TMEM255B: variants seen among roughly 807,000 people sequenced by gnomAD.
TMEM255B encodes family with sequence similarity 70, member B.
A neutral mutation model predicts 34.5 loss-of-function variants in TMEM255B; 35 were observed. The observed-to-expected ratio is 1.01, with a 90% confidence interval of 0.77 to 1.34. The LOEUF (loss-of-function observed/expected upper bound fraction) is 1.34. Ranked by LOEUF, TMEM255B falls within the 40% of genes most tolerant of loss-of-function variation. The pLI, the probability that TMEM255B is intolerant of heterozygous loss-of-function variation, is 0.00. For missense variants in TMEM255B, 432 were observed against 433.2 expected (o/e 1.00, Z 0.02); for synonymous variants, 206 against 201.2 (o/e 1.02, Z -0.20).
At chr13:113,774,358 CCAAA>C (rs2050524831) in intron 3 of TMEM255B, among the ~76,000 whole-genome samples, 1 of 152,186 alleles carries the variant, frequency 6.6e-6, no homozygotes, top group Admixed American at 6.5e-5. Context: ...TCCTCCTCAC[CCAAA>C]CAGACATATG....
chr13:113,811,551 G>A (rs1302721803), intron 8 of TMEM255B, among the ~76,000 whole-genome samples, 185 bp from the exon 9 acceptor site: 2 of 136,328 alleles, frequency 1.5e-5, no homozygotes, highest in Non-Finnish European at 3.1e-5. Flanking sequence ...AGGTCTGAGG[G>A]GGCCTGTGTG....
At chr13:113,796,507 A>G (rs1006105725) in intron 4 of TMEM255B, among the ~76,000 whole-genome samples, 5 of 149,826 alleles carry the variant, frequency 3.3e-5, no homozygotes, top group African/African-American at 1.2e-4. Context: ...CACACCACAC[A>G]GAGCACACAG....
intron 3 of TMEM255B, among the ~76,000 whole-genome samples, chr13:113,771,862 T>G (rs924466814): frequency 6.6e-6 from 1 of 152,212 alleles, no homozygotes; most frequent in East Asian, 1.9e-4. Flanking sequence ...CTTTTGGGCA[T>G]GTACCTAGGA....
At chr13:113,800,531 A>G (rs1378438758) in intron 5 of TMEM255B, among the ~76,000 whole-genome samples, 1 of 151,984 alleles carries the variant, frequency 6.6e-6, no homozygotes, top group African/African-American at 2.4e-5. Flanking sequence ...CCTTCTGCCC[A>G]CGCACCCTGA....
chr13:113,793,924 G>GCCCCCAC (rs2050875439), intron 3 of TMEM255B, among the ~76,000 whole-genome samples: 1 of 152,222 alleles, frequency 6.6e-6, no homozygotes, highest in Non-Finnish European at 1.5e-5. Flanking sequence ...GGGCCCGCCA[G>GCCCCCAC]CCCCCACCCC....
chr13:113,766,140 G>T lies in TMEM255B; in HGVS notation c.72G>T (p.Thr24=). Residue 24 remains threonine, a synonymous_variant, in exon 2 of 9, where the codon ACG becomes ACT. Coordinates refer to ENST00000375353, the MANE Select transcript of TMEM255B (RefSeq NM_182614.4). ...PAEGLSRRKK[T]SLWFVGSLLL... ...AAGGGCTTTCGAGGAGGAAGAAGACGTCGCTCTGGTTTGTGGGGTCTCTGC... is the reference window on the plus strand; with the variant it reads ...AAGGGCTTTCGAGGAGGAAGAAGACTTCGCTCTGGTTTGTGGGGTCTCTGC... 6.2e-7 allele frequency: 1 copy of T among 1,614,222 alleles called. No homozygotes were observed. The highest frequency in any genetic ancestry group is 1.3e-5 in the African/African-American group (1 of 75,062).
chr13:113,804,722 C>T (rs1384914320), intron 7 of TMEM255B, among the ~76,000 whole-genome samples, 163 bp from the exon 8 acceptor site: 1 of 147,050 alleles, frequency 6.8e-6, no homozygotes, highest in African/African-American at 2.5e-5. Flanking sequence ...AAACGCACGC[C>T]GGGCCGGCGT....
intron 1 of TMEM255B, among the ~76,000 whole-genome samples, chr13:113,762,505 TG>T (rs937385978): frequency 1.3e-4 from 20 of 152,070 alleles, no homozygotes; most frequent in African/African-American, 4.8e-4. Flanking sequence ...TTGTAGCAGA[TG>T]GGGGGGAAGT....
At chr13:113,790,168 A>G (rs1178023754) in intron 3 of TMEM255B, among the ~76,000 whole-genome samples, 19,400 of 88,850 alleles carry the variant, frequency 0.22, 2,783 homozygotes, top group East Asian at 0.48. Flanking sequence ...CCTAACACTG[A>G]ACTGACCAGA....
In TMEM255B at chr13:113,815,347, A is replaced by G. The variant is rs964834732; in HGVS notation, c.*3444A>G. ...ACGTGGGGTCACCGGCCACGGAGAG[A>G]GGAAGGGACATGGGTGACGGTCCGT... On this transcript the variant is annotated 3_prime_UTR_variant, in exon 9 of 9. Transcript: ENST00000375353. 2 of 148,410 alleles carry G rather than the reference A, an allele frequency of 1.3e-5. No individual in the cohort carries two copies. The highest frequency in any genetic ancestry group is 5.1e-5 in the African/African-American group (2 of 39,454). 9.2% of individuals were successfully genotyped at this position (148,410 alleles called of 1,614,324 possible).
At chr13:113,766,494 A>C in intron 2 of TMEM255B, 1 of 640,666 alleles carries the variant, frequency 1.6e-6, no homozygotes, top group Non-Finnish European at 2.8e-6. Context: ...GTTGATCTCA[A>C]AATAGGGCCA....
At chr13:113,783,444 G>A (rs1198013396) in intron 3 of TMEM255B, among the ~76,000 whole-genome samples, 2 of 152,194 alleles carry the variant, frequency 1.3e-5, no homozygotes, top group Non-Finnish European at 2.9e-5. Flanking sequence ...AGGAGTGAGG[G>A]TGGAGTTAGA....
Position 113,804,446 on chromosome 13 carries a change from CT to C in TMEM255B, c.670-438del, listed in dbSNP as rs372112411. Among the ~76,000 whole-genome samples, 278 of 152,172 alleles carry C rather than the reference CT, an allele frequency of 1.8e-3. 1 individual carries two copies. Among genetic ancestry groups the C allele is most frequent in the African/African-American group, 6.5e-3 (269 of 41,534 alleles). ...GAGAGAAGGAAACCAGTGCTTTTTT[CT>C]CCCCCCCCAAAAAATCAAAAAAGTA... On this transcript the variant is annotated intron_variant, in intron 7 of 8. Coordinates refer to ENST00000375353, the MANE Select transcript of TMEM255B (RefSeq NM_182614.4).
At chr13:113,791,705 G>A (rs1221631871) in intron 3 of TMEM255B, among the ~76,000 whole-genome samples, 1 of 152,254 alleles carries the variant, frequency 6.6e-6, no homozygotes, top group South Asian at 2.1e-4. Flanking sequence ...AGAAGGATGG[G>A]TCGAGCGAAA....
intron 2 of TMEM255B, chr13:113,768,368 C>T (rs375221523): frequency 1.2e-4 from 47 of 408,548 alleles, no homozygotes; most frequent in African/African-American, 9.5e-4. Context: ...GGTGCGGATG[C>T]CCGGCCGGTG....
In TMEM255B at chr13:113,814,501, C is replaced by T. The variant is rs1566344624; in HGVS notation, c.*2598C>T. The T allele has an allele frequency of 6.6e-6, 1 of 152,276 alleles. No individual in the cohort carries two copies. The highest frequency in any genetic ancestry group is 1.5e-5 in the Non-Finnish European group (1 of 68,054). 9.4% of individuals were successfully genotyped at this position (152,276 alleles called of 1,614,324 possible). A position where few individuals can be genotyped will look rare whatever the true frequency, so the allele number is the denominator to read the frequency against. On this transcript the variant is annotated 3_prime_UTR_variant, in exon 9 of 9. Transcript: ENST00000375353. ...AAAATGTCCTTATCCTTTATCCCAG[C>T]CACAAAGAATGTGAACAATTTGACT...
intron 8 of TMEM255B, among the ~76,000 whole-genome samples, chr13:113,811,313 G>T (rs1363846992): frequency 7.2e-6 from 1 of 139,480 alleles, no homozygotes; most frequent in African/African-American, 2.7e-5. Context: ...CTGGGCCTGT[G>T]GGGGGGCCGG....
chr13:113,768,178 C>T (rs757239153), intron 2 of TMEM255B: 23 of 470,044 alleles, frequency 4.9e-5, no homozygotes, highest in African/African-American at 8.0e-5. Context: ...GCGACCGGCC[C>T]GGCGCACCTG....
At chr13:113,798,827 A>C (rs1455525577) in intron 4 of TMEM255B, among the ~76,000 whole-genome samples, 2 of 152,018 alleles carry the variant, frequency 1.3e-5, no homozygotes, top group Non-Finnish European at 2.9e-5. Context: ...ATAGATGTAG[A>C]GGATGGAAGG....
Sources: allele counts gnomAD v4.1 joint callset (sites outside exome capture counted in the v4.1 genomes callset), GRCh38; gene constraint gnomAD v4.1.1; transcripts MANE v1.5; gene names NCBI Gene and HGNC (gene_info 2026-07-23, HGNC 2026-07-21).